Variants in NUBPL observed in about 807,000 individuals in gnomAD.
NUBPL encodes iron-sulfur cluster transfer protein NUBPL.
A neutral mutation model predicts 45.7 loss-of-function variants in NUBPL; 31 were observed. The observed-to-expected ratio is 0.68, with a 90% CI of 0.51 to 0.92. The LOEUF is 0.92. Among genes scored for constraint, NUBPL ranks in the 40% least tolerant of loss-of-function variants. NUBPL has a pLI of 0.00. For synonymous variants in NUBPL, 144 were observed against 140.9 expected (o/e 1.02, Z -0.15); for missense variants, 401 against 398.7 (o/e 1.01, Z -0.05).
chr14:31,725,929 C>T (rs532016739), intron 6 of NUBPL, among the ~76,000 whole-genome samples: 1 of 151,936 alleles, frequency 6.6e-6, no homozygotes, highest in Non-Finnish European at 1.5e-5. Flanking sequence ...AGGATGGTCT[C>T]GAACTCCTGA....
chr14:31,841,568 A>G (rs552392194), intron 8 of NUBPL, among the ~76,000 whole-genome samples: 1 of 151,822 alleles, frequency 6.6e-6, no homozygotes, highest in African/African-American at 2.4e-5. Flanking sequence ...ACCATCTCCC[A>G]CTCTATAGCT....
intron 3 of NUBPL, among the ~76,000 whole-genome samples, chr14:31,569,918 G>T (rs997755954): frequency 1.6e-4 from 25 of 151,944 alleles, no homozygotes; most frequent in African/African-American, 5.1e-4. Context: ...CCTTATTATG[G>T]ATCTCATTCT....
At chr14:31,751,591 C>T (rs1006462809) in intron 6 of NUBPL, among the ~76,000 whole-genome samples, 10 of 152,230 alleles carry the variant, frequency 6.6e-5, no homozygotes, top group African/African-American at 2.4e-4. Flanking sequence ...GCCCCTGTGG[C>T]TTTGCAGGTA....
At chr14:31,759,693 T>A (rs887929440) in intron 6 of NUBPL, among the ~76,000 whole-genome samples, 2 of 151,410 alleles carry the variant, frequency 1.3e-5, no homozygotes, top group Admixed American at 1.3e-4. Flanking sequence ...TACTTTGAAT[T>A]TTGATTCTTT....
rs34026301 is a variant in NUBPL, at chr14:31,593,513, CAAAAAAAAA to C, written c.292-5760_292-5752del. Among the ~76,000 whole-genome samples, 275 of 75,200 alleles carry C rather than the reference CAAAAAAAAA, an allele frequency of 3.7e-3. 3 individuals are homozygous for C. The highest frequency in any genetic ancestry group is 0.017 in the African/African-American group (261 of 15,772). 49.3% of individuals were successfully genotyped at this position (75,200 alleles called of 152,430 possible). A position where few individuals can be genotyped will look rare whatever the true frequency, so the allele number is the denominator to read the frequency against. Reference sequence around the variant, plus strand: ...TGGGCGACAGAGCGAGCTTCCGTCTCAAAAAAAAAAAAAAAAAAAAAAAAGAGTGAGGGT... The same window carrying C: ...TGGGCGACAGAGCGAGCTTCCGTCTCAAAAAAAAAAAAAAAGAGTGAGGGT... On this transcript the variant is annotated intron_variant, in intron 3 of 10. Coordinates refer to ENST00000281081, the MANE Select transcript of NUBPL (RefSeq NM_025152.3).
At chr14:31,688,234 G>A (rs2037000059) in intron 6 of NUBPL, among the ~76,000 whole-genome samples, 1 of 152,088 alleles carries the variant, frequency 6.6e-6, no homozygotes, top group South Asian at 2.1e-4. Context: ...TAACAGGAGA[G>A]GCAGTTTCTG....
At chr14:31,819,438 C>T (rs2039978308) in intron 7 of NUBPL, among the ~76,000 whole-genome samples, 1 of 152,116 alleles carries the variant, frequency 6.6e-6, no homozygotes, top group Admixed American at 6.5e-5. Flanking sequence ...TTTTGTTGCA[C>T]ATGTCTAGTA....
chr14:31,760,493 C>A (rs1046603080), intron 6 of NUBPL, among the ~76,000 whole-genome samples: 4 of 152,100 alleles, frequency 2.6e-5, no homozygotes, highest in Non-Finnish European at 5.9e-5. Flanking sequence ...CTCCCCCATT[C>A]TTCCACTATA....
intron 4 of NUBPL, among the ~76,000 whole-genome samples, chr14:31,651,770 G>A (rs749484119): frequency 2.0e-5 from 3 of 151,930 alleles, no homozygotes; most frequent in Non-Finnish European, 2.9e-5. Flanking sequence ...GTGGTGGTGG[G>A]TGCCTATAGT....
chr14:31,815,701 A>G (rs2082167), intron 7 of NUBPL, among the ~76,000 whole-genome samples: 45,414 of 151,934 alleles, frequency 0.3, 7,815 homozygotes, highest in South Asian at 0.42. Context: ...TTATTTTGAG[A>G]TACATTCCAT....
At chr14:31,859,036 G>A (rs1283686867) in intron 10 of NUBPL, 82 bp from the exon 11 acceptor site, 9 of 1,146,282 alleles carry the variant, frequency 7.9e-6, no homozygotes, top group African/African-American at 4.6e-5. Context: ...CAAATACAGT[G>A]GGCCTCTATA....
At chr14:31,740,686 T>G (rs574776249) in intron 6 of NUBPL, among the ~76,000 whole-genome samples, 1 of 152,342 alleles carries the variant, frequency 6.6e-6, no homozygotes, top group South Asian at 2.1e-4. Context: ...CGTTCTCTCA[T>G]TTGGTGCTAT....
chr14:31,827,106 T>G (rs1421548179), intron 8 of NUBPL, among the ~76,000 whole-genome samples: 1 of 152,146 alleles, frequency 6.6e-6, no homozygotes, highest in Non-Finnish European at 1.5e-5. Context: ...TTCAACTCAT[T>G]TATAGCTCAC....
intron 7 of NUBPL, among the ~76,000 whole-genome samples, chr14:31,811,905 T>A (rs1204379289): frequency 1.3e-5 from 2 of 152,224 alleles, no homozygotes; most frequent in Admixed American, 6.5e-5. Context: ...TTGATTTTGC[T>A]AGAAGTCCAC....
chr14:31,780,816 T>G (rs1157179197), intron 6 of NUBPL, among the ~76,000 whole-genome samples: 1 of 152,226 alleles, frequency 6.6e-6, no homozygotes, highest in Non-Finnish European at 1.5e-5. Context: ...CGGTAGCATA[T>G]AACTAATTTC....
intron 6 of NUBPL, among the ~76,000 whole-genome samples, chr14:31,679,843 A>T (rs574996143): frequency 6.6e-6 from 1 of 152,312 alleles, no homozygotes; most frequent in South Asian, 2.1e-4. Context: ...ATGAATTGAG[A>T]TTCTGACAAC....
At chr14:31,763,952 A>C (rs778494070) in intron 6 of NUBPL, among the ~76,000 whole-genome samples, 3 of 152,354 alleles carry the variant, frequency 2.0e-5, no homozygotes, top group Middle Eastern at 3.4e-3. Flanking sequence ...TTATCTGGAC[A>C]CTGGTACTGA....
chr14:31,777,197 T>C (rs979611637), intron 6 of NUBPL, among the ~76,000 whole-genome samples: 1 of 152,168 alleles, frequency 6.6e-6, no homozygotes, highest in Non-Finnish European at 1.5e-5. Flanking sequence ...CTATTTAAAA[T>C]TTAGGCTCAG....
At chr14:31,647,495 G>A (rs1397527637) in intron 4 of NUBPL, among the ~76,000 whole-genome samples, 1 of 152,158 alleles carries the variant, frequency 6.6e-6, no homozygotes, top group East Asian at 1.9e-4. Flanking sequence ...CTCAAATGGG[G>A]GAGGTCTCAA....
Sources: allele counts gnomAD v4.1 joint callset (sites outside exome capture counted in the v4.1 genomes callset), GRCh38; gene constraint gnomAD v4.1.1; transcripts MANE v1.5; gene names NCBI Gene and HGNC (gene_info 2026-07-23, HGNC 2026-07-21).